CAMTA1: variants seen among roughly 807,000 people sequenced by gnomAD.
CAMTA1 encodes the protein calmodulin binding transcription activator 1, also known as calmodulin-binding transcription activator 1.
In CAMTA1, 27 loss-of-function variants were observed where a neutral mutation model predicts 170.9. The observed-to-expected ratio is 0.16, with a 90% CI of 0.12 to 0.22. CAMTA1 has a LOEUF of 0.22. Among genes scored for constraint, CAMTA1 ranks in the 10% least tolerant of loss-of-function variants. The probability of loss-of-function intolerance (pLI) is 1.00; values close to 1 mark genes in which losing one functional copy is unlikely to be tolerated. For missense variants in CAMTA1, 1,619 were observed against 2,217.2 expected, an observed-to-expected ratio of 0.73 and a Z score of 5.42; for synonymous variants, 833 against 891.5, an observed-to-expected ratio of 0.93 and a Z score of 1.17.
rs2094504389 is a variant in CAMTA1 at position 7,532,574 on chromosome 1, T to C, written c.510+64673T>C. ...ATTTCGGCCCCCCGAGTTCAGCTTC[T>C]TTCTTTAATCCATCACTTAGGCCAC... is the stretch of plus-strand genomic sequence containing the variant. On this transcript the variant is annotated intron_variant, in intron 6 of 22. Transcript: ENST00000303635. This position sits in a 1 kb window ranked among gnomAD's most constrained non-coding sequence, Gnocchi z 4.2. Among the ~76,000 whole-genome samples, 1 of 152,208 alleles carries C rather than the reference T, an allele frequency of 6.6e-6. No individual in the cohort carries two copies. Among genetic ancestry groups the C allele is most frequent in the African/African-American group, 2.4e-5 (1 of 41,444 alleles).
intron 5 of CAMTA1, among the ~76,000 whole-genome samples, chr1:7,410,223 G>C (rs2090613434): frequency 6.6e-6 from 1 of 152,230 alleles, no homozygotes; most frequent in African/African-American, 2.4e-5. Context: ...CTGGAGTACA[G>C]CCTGGACCTG....
intron 3 of CAMTA1, among the ~76,000 whole-genome samples, chr1:6,940,433 C>A (rs1377866845): frequency 6.6e-6 from 1 of 152,174 alleles, no homozygotes; most frequent in Non-Finnish European, 1.5e-5. Flanking sequence ...GCCCCCCACA[C>A]TGGGGAGGAA....
rs770168823 is a variant in CAMTA1 at position 7,335,141 on chromosome 1, G to GTGTGTGTGTGTGTGTGTGTGTGTGTGTGT, written c.438+85515_438+85516insTGTGTGTGTGTGTGTGTGTGTGTGTGTGT. Among the ~76,000 whole-genome samples the GTGTGTGTGTGTGTGTGTGTGTGTGTGTGT allele has an allele frequency of 1.2e-3, 66 of 54,420 alleles. 1 individual carries two copies. Among genetic ancestry groups the GTGTGTGTGTGTGTGTGTGTGTGTGTGTGT allele is most frequent in the East Asian group, 2.4e-3 (5 of 2,116 alleles). The allele number at this position is 54,420 out of a possible 152,430, so 35.7% of individuals were successfully genotyped here. A position where few individuals can be genotyped will look rare whatever the true frequency, so the allele number is the denominator to read the frequency against. On this transcript the variant is annotated intron_variant, in intron 5 of 22. Coordinates refer to ENST00000303635, the MANE Select transcript of CAMTA1 (RefSeq NM_015215.4). Reference sequence around the variant, plus strand: ...CACAGCTTTTGTGTGTGTGTGTGTGGGGGGGGGGGGGGGGGGTGGGGGTGG... The same window carrying GTGTGTGTGTGTGTGTGTGTGTGTGTGTGT: ...CACAGCTTTTGTGTGTGTGTGTGTGGTGTGTGTGTGTGTGTGTGTGTGTGTGTGTGGGGGGGGGGGGGGGGTGGGGGTGG...
intron 5 of CAMTA1, among the ~76,000 whole-genome samples, chr1:7,353,419 T>C (rs890969554): frequency 1.5e-4 from 19 of 127,944 alleles, no homozygotes; most frequent in Non-Finnish European, 1.1e-4. Context: ...TCTTTTTTTT[T>C]TTTCTTTCTC....
chr1:7,148,051 A>C (rs563921392), intron 4 of CAMTA1, among the ~76,000 whole-genome samples: 94 of 147,858 alleles, frequency 6.4e-4, no homozygotes, highest in African/African-American at 2.2e-3. Context: ...TACACCATGC[A>C]CGTATGCACA....
chr1:6,944,639 C>G (rs1352097500), intron 3 of CAMTA1, among the ~76,000 whole-genome samples: 1 of 152,198 alleles, frequency 6.6e-6, no homozygotes, highest in Non-Finnish European at 1.5e-5. Context: ...CTGCCCCGGT[C>G]TCCCTGTGTC....
intron 11 of CAMTA1, among the ~76,000 whole-genome samples, chr1:7,702,573 C>T (rs2096453485): frequency 6.6e-6 from 1 of 152,212 alleles, no homozygotes; most frequent in Admixed American, 6.5e-5. Context: ...CAGCTGAGCA[C>T]TTACAGCGTG....
At chr1:7,055,170 T>C (rs1440938729) in intron 3 of CAMTA1, among the ~76,000 whole-genome samples, 1 of 152,120 alleles carries the variant, frequency 6.6e-6, no homozygotes, top group Admixed American at 6.5e-5. Flanking sequence ...GACATGAAAT[T>C]TGGGTGGAGA....
chr1:7,695,987 T>C (rs985382754), intron 11 of CAMTA1, among the ~76,000 whole-genome samples: 2 of 152,164 alleles, frequency 1.3e-5, no homozygotes, highest in African/African-American at 4.8e-5. Flanking sequence ...GTACTTATTA[T>C]TCTTAGGGAG....
intron 5 of CAMTA1, among the ~76,000 whole-genome samples, chr1:7,282,952 G>A (rs1350478221): frequency 2.0e-5 from 3 of 152,122 alleles, no homozygotes; most frequent in Non-Finnish European, 2.9e-5. Flanking sequence ...ATGACAAAAT[G>A]TCCGCAAGAT....
chr1:7,423,153 C>T (rs943050758), intron 5 of CAMTA1, among the ~76,000 whole-genome samples: 1 of 152,198 alleles, frequency 6.6e-6, no homozygotes, highest in Admixed American at 6.5e-5. Context: ...TGGCCCCGGG[C>T]CAAGCCTTCC....
Position 7,575,491 on chromosome 1 carries a change from G to A in CAMTA1, c.511-64909G>A, listed in dbSNP as rs993476551. Among the ~76,000 whole-genome samples the A allele has an allele frequency of 2.0e-5, 3 of 152,240 alleles. No homozygotes were observed. In the East Asian group the frequency reaches 5.8e-4, roughly 29 times the overall value. On this transcript the variant is annotated intron_variant, in intron 6 of 22. Coordinates refer to ENST00000303635, the MANE Select transcript of CAMTA1 (RefSeq NM_015215.4). Reference sequence around the variant, plus strand: ...TGGAACCAGAGTTTGCAGATGGCCTGTCATGTGTACAGCCCTGAGGCAGGA... The same window carrying A: ...TGGAACCAGAGTTTGCAGATGGCCTATCATGTGTACAGCCCTGAGGCAGGA...
chr1:7,327,260 G>T (rs551206862), intron 5 of CAMTA1, among the ~76,000 whole-genome samples: 61 of 151,980 alleles, frequency 4.0e-4, no homozygotes, highest in Admixed American at 2.5e-3. Context: ...AAAAAAATTA[G>T]CCAGGCTTGG....
chr1:6,858,499 T>C (rs1410120897), intron 3 of CAMTA1, among the ~76,000 whole-genome samples: 2 of 126,696 alleles, frequency 1.6e-5, no homozygotes, highest in African/African-American at 5.9e-5. Flanking sequence ...GGGGGGGGTG[T>C]TGTGATTGTT....
At chr1:7,338,349 G>A (rs903141828) in intron 5 of CAMTA1, among the ~76,000 whole-genome samples, 68 of 152,170 alleles carry the variant, frequency 4.5e-4, no homozygotes, top group African/African-American at 1.5e-3. Context: ...ATGTAGGGCC[G>A]GGACACGGCT....
chr1:6,841,093 G>A (rs558566918), intron 3 of CAMTA1, among the ~76,000 whole-genome samples: 58 of 152,074 alleles, frequency 3.8e-4, no homozygotes, highest in Non-Finnish European at 7.1e-4. Context: ...TTGGCTTGTG[G>A]CTCCCTCCTT....
At chr1:7,217,801 G>A (rs1418193752) in intron 4 of CAMTA1, among the ~76,000 whole-genome samples, 1 of 152,034 alleles carries the variant, frequency 6.6e-6, no homozygotes, top group Non-Finnish European at 1.5e-5. Context: ...TTCTGGTTTT[G>A]TCTTTCCTTT....
intron 7 of CAMTA1, 54 bp from the exon 8 acceptor site, chr1:7,661,672 A>C (rs1576672481): frequency 6.2e-7 from 1 of 1,605,276 alleles, no homozygotes; most frequent in Non-Finnish European, 8.5e-7. Context: ...GGCCCCACCC[A>C]GGTCCCCTCT....
chr1:7,101,121 G>A lies in CAMTA1; in HGVS notation c.302+9750G>A, dbSNP rs377538854. Among the ~76,000 whole-genome samples, 22 of 152,278 alleles carry A rather than the reference G, an allele frequency of 1.4e-4. 1 individual carries two copies. Among genetic ancestry groups the A allele is most frequent in the African/African-American group, 4.8e-4 (20 of 41,550 alleles). ...CATGCCCTGTCCGTGTCCATCGATG[G>A]TCATTTTGTTTTGTTTCTGGCGCCC... On this transcript the variant is annotated intron_variant, in intron 4 of 22. Transcript: ENST00000303635.
Sources: allele counts gnomAD v4.1 joint callset (sites outside exome capture counted in the v4.1 genomes callset), GRCh38; gene constraint gnomAD v4.1.1; non-coding constraint Gnocchi (gnomAD v3.1); transcripts MANE v1.5; gene names NCBI Gene and HGNC (gene_info 2026-07-23, HGNC 2026-07-21).